The following RANBP17 variants were observed in gnomAD, a reference collection of about 807,000 sequenced individuals.
RANBP17 encodes the protein RAN binding protein 17.
RANBP17 carries 158 observed loss-of-function variants against 141.2 expected under a neutral mutation model. The ratio of observed to expected loss-of-function variants is 1.12; its 90% CI spans 0.98 to 1.28. The LOEUF is 1.28. RANBP17 is among the 50% of genes most tolerant of loss of function. RANBP17 has a pLI of 0.00. For missense variants in RANBP17, 1,438 were observed against 1,290.7 expected (o/e 1.11, Z -1.75); for synonymous variants, 430 against 450.0 (o/e 0.96, Z 0.56).
At chr5:171,274,157 C>T (rs948245254) in intron 25 of RANBP17, among the ~76,000 whole-genome samples, 3,109 of 148,052 alleles carry the variant, frequency 0.021, 44 homozygotes, top group East Asian at 0.039. Context: ...TGTGCGCGCG[C>T]GCGCGCGTGC....
chr5:170,937,789 ATTATG>A (rs1774000176), intron 12 of RANBP17, among the ~76,000 whole-genome samples: 1 of 152,170 alleles, frequency 6.6e-6, no homozygotes, highest in South Asian at 2.1e-4. Context: ...ATTAATTTGG[ATTATG>A]TTATTTTATA....
intron 14 of RANBP17, among the ~76,000 whole-genome samples, chr5:171,063,211 T>G (rs193046428): frequency 0.018 from 2,770 of 152,250 alleles, 82 homozygotes; most frequent in African/African-American, 0.064. Context: ...GAGGAACTGC[T>G]TTCCTTTGGA....
chr5:171,142,955 A>G (rs1298962619), intron 14 of RANBP17, among the ~76,000 whole-genome samples: 1 of 152,218 alleles, frequency 6.6e-6, no homozygotes, highest in Non-Finnish European at 1.5e-5. Context: ...ATAAGTAATA[A>G]AGACCTGGTT....
intron 13 of RANBP17, among the ~76,000 whole-genome samples, chr5:170,956,641 G>A (rs938530772): frequency 1.3e-5 from 2 of 151,772 alleles, no homozygotes; most frequent in Non-Finnish European, 2.9e-5. Context: ...GCAGAGATGG[G>A]GTTTCTCCAT....
At chr5:170,953,886 T>TTTTA (rs1775401444) in intron 13 of RANBP17, among the ~76,000 whole-genome samples, 184 bp downstream of exon 13, 1 of 152,206 alleles carries the variant, frequency 6.6e-6, no homozygotes, top group African/African-American at 2.4e-5. Context: ...AAATCTCTAA[T>TTTTA]AAGTGATAGA....
Position 170,909,732 on chromosome 5 carries a change from C to A in RANBP17, c.561C>A (p.Asp187Glu). ...CATTTCGTGATACTTCTCTCAAAGA[C>A]GTTTTAGTGCTAGCATGCTCTCTTT... ...ATSFRDTSLKDVLVLACSLLK... is the reference protein window; with the variant it reads ...ATSFRDTSLKEVLVLACSLLK... Residue 187 changes from aspartate to glutamate, a missense_variant, in exon 6 of 28, where the codon GAC becomes GAA. Physicochemically the swap from Asp to Glu is conservative, Grantham distance 45. Coordinates refer to ENST00000523189, the MANE Select transcript of RANBP17 (RefSeq NM_022897.5). 6.3e-7 allele frequency: 1 copy of A among 1,585,080 alleles called. No homozygotes were observed. The highest frequency in any genetic ancestry group is 8.7e-7 in the Non-Finnish European group (1 of 1,155,718).
At chr5:171,155,149 A>G (rs1308236099) in intron 14 of RANBP17, among the ~76,000 whole-genome samples, 3 of 147,354 alleles carry the variant, frequency 2.0e-5, no homozygotes, top group African/African-American at 5.0e-5. Context: ...ACATATACAC[A>G]TATATGTATA....
At chr5:171,232,545 A>C (rs1011154155) in intron 22 of RANBP17, among the ~76,000 whole-genome samples, 1 of 151,984 alleles carries the variant, frequency 6.6e-6, no homozygotes, top group Non-Finnish European at 1.5e-5. Context: ...GGGGGGAAAA[A>C]TCCAGCAATG....
At chr5:171,226,362 T>A (rs1049195750) in intron 22 of RANBP17, among the ~76,000 whole-genome samples, 1 of 152,122 alleles carries the variant, frequency 6.6e-6, no homozygotes, top group Admixed American at 6.5e-5. Context: ...CTGGCCAAAA[T>A]AGAACTGCCT....
At chr5:171,057,035 C>A (rs1783436784) in intron 14 of RANBP17, among the ~76,000 whole-genome samples, 1 of 152,142 alleles carries the variant, frequency 6.6e-6, no homozygotes, top group Non-Finnish European at 1.5e-5. Context: ...CTTAACAAAA[C>A]CCTATAGACA....
chr5:170,940,940 A>T (rs1278020665), intron 12 of RANBP17, among the ~76,000 whole-genome samples: 4 of 150,348 alleles, frequency 2.7e-5, no homozygotes, highest in Non-Finnish European at 5.9e-5. Context: ...CTGATTGGTT[A>T]AAAAAAAACT....
chr5:171,291,761 A>G (rs1348643546), intron 25 of RANBP17, among the ~76,000 whole-genome samples: 2 of 152,196 alleles, frequency 1.3e-5, no homozygotes, highest in Non-Finnish European at 2.9e-5. Flanking sequence ...ATGGGTTGCC[A>G]TGTCAGTACC....
chr5:171,227,473 G>A (rs1381406734), intron 22 of RANBP17, among the ~76,000 whole-genome samples: 1 of 152,220 alleles, frequency 6.6e-6, no homozygotes, highest in African/African-American at 2.4e-5. Flanking sequence ...TTGGAAGCTA[G>A]CAGAGGTTGG....
chr5:171,276,757 T>C (rs967557308), intron 25 of RANBP17, among the ~76,000 whole-genome samples: 6 of 152,182 alleles, frequency 3.9e-5, no homozygotes, highest in Non-Finnish European at 7.3e-5. Flanking sequence ...AAAGGACAGC[T>C]ACACAGGGTT....
At chr5:170,929,736 AG>A (rs761854071) in intron 12 of RANBP17, among the ~76,000 whole-genome samples, 2 of 152,172 alleles carry the variant, frequency 1.3e-5, no homozygotes, top group African/African-American at 2.4e-5. Flanking sequence ...TGAGTCCGGT[AG>A]TGTTTCCTCT....
chr5:171,081,693 A>G (rs114013311), intron 14 of RANBP17, among the ~76,000 whole-genome samples: 88 of 152,280 alleles, frequency 5.8e-4, no homozygotes, highest in African/African-American at 2.0e-3. Context: ...TACACTGCTA[A>G]ATAAAAATTT....
intron 14 of RANBP17, among the ~76,000 whole-genome samples, chr5:171,060,765 A>G (rs1223890917): frequency 1.3e-5 from 2 of 152,078 alleles, no homozygotes; most frequent in African/African-American, 4.8e-5. Context: ...TACCTCTGGT[A>G]GAATTCGGCT....
chr5:171,178,612 G>T (rs1190663251), intron 16 of RANBP17, among the ~76,000 whole-genome samples: 2 of 152,114 alleles, frequency 1.3e-5, no homozygotes, highest in African/African-American at 4.8e-5. Context: ...TTCCACAATG[G>T]TTGAACTAGT....
intron 14 of RANBP17, among the ~76,000 whole-genome samples, chr5:171,096,614 A>C (rs1240576895): frequency 6.6e-6 from 1 of 152,226 alleles, no homozygotes. Context: ...TGCCTACCAA[A>C]GGGTAAGAGA....
Sources: gnomAD v4.1 joint callset for allele counts (sites outside exome capture counted in the v4.1 genomes callset) on GRCh38, gnomAD v4.1.1 for gene constraint, MANE v1.5 for transcripts, NCBI Gene and HGNC (gene_info 2026-07-23, HGNC 2026-07-21) for gene names.